Variants in PCDHA10 observed in about 807,000 individuals in gnomAD.
PCDHA10 encodes protocadherin alpha-10.
In PCDHA10, 45 loss-of-function variants were observed where a neutral mutation model predicts 61.2. The observed-to-expected ratio is 0.74, with a 90% CI of 0.58 to 0.94. The LOEUF is 0.94. Ranked by LOEUF, PCDHA10 falls within the 40% of genes least tolerant of loss-of-function variation. PCDHA10 has a pLI of 0.00. For missense variants in PCDHA10, 1,278 were observed against 1,236.2 expected, an observed-to-expected ratio of 1.03 and a Z score of -0.51; for synonymous variants, 602 against 548.8, an observed-to-expected ratio of 1.10 and a Z score of -1.35.
intron 1 of PCDHA10, among the ~76,000 whole-genome samples, chr5:140,960,355 A>G (rs1489344440): frequency 6.6e-6 from 1 of 152,222 alleles, no homozygotes; most frequent in Admixed American, 6.5e-5. Flanking sequence ...ATGTACTGAA[A>G]TAATATGCCA....
At chr5:140,992,078 G>A (rs1179366244) in intron 3 of PCDHA10, among the ~76,000 whole-genome samples, 1 of 151,596 alleles carries the variant, frequency 6.6e-6, no homozygotes, top group African/African-American at 2.4e-5. Context: ...TAGAGAATGA[G>A]CTAGAGTAGA....
Position 140,856,508 on chromosome 5 carries a change from G to A in PCDHA10, c.460G>A (p.Glu154Lys), listed in dbSNP as rs2044043194. 3.8e-6 allele frequency: 6 copies of A among 1,598,282 alleles called. No homozygotes were observed. Among genetic ancestry groups the A allele is most frequent in the Non-Finnish European group, 5.1e-6 (6 of 1,167,898 alleles). ...SRLLDSRFPL[E>K]GASDADVGEN... Reference sequence around the variant, plus strand: ...ACTGCTTGACTCTCGATTTCCACTAGAAGGCGCATCTGATGCGGATGTTGG... The same window carrying A: ...ACTGCTTGACTCTCGATTTCCACTAAAAGGCGCATCTGATGCGGATGTTGG... Residue 154 changes from glutamate to lysine, a missense_variant, in exon 1 of 4, where the codon GAA (glutamate) becomes AAA (lysine). Coordinates refer to ENST00000307360, the MANE Select transcript of PCDHA10 (RefSeq NM_018901.4).
chr5:140,932,088 T>G (rs2088018403), intron 1 of PCDHA10, among the ~76,000 whole-genome samples: 1 of 151,932 alleles, frequency 6.6e-6, no homozygotes, highest in Non-Finnish European at 1.5e-5. Context: ...CAGGAAAACA[T>G]GGTTTTTATC....
chr5:140,952,952 G>C (rs1477546132), intron 1 of PCDHA10, among the ~76,000 whole-genome samples: 1 of 151,924 alleles, frequency 6.6e-6, no homozygotes, highest in Non-Finnish European at 1.5e-5. Context: ...GAGAGAAGGG[G>C]GAAGTGATAC....
chr5:140,961,338 G>C (rs1554225370), intron 1 of PCDHA10, among the ~76,000 whole-genome samples: 1 of 152,170 alleles, frequency 6.6e-6, no homozygotes, highest in Non-Finnish European at 1.5e-5. Flanking sequence ...GAGACCAAGA[G>C]TGGATCCCTG....
intron 3 of PCDHA10, among the ~76,000 whole-genome samples, chr5:140,985,428 T>C (rs782337868): frequency 2.0e-5 from 3 of 152,192 alleles, no homozygotes; most frequent in Non-Finnish European, 4.4e-5. Context: ...GGAGGATTTA[T>C]TAGTTGCTGC....
At position 140,927,806 on chromosome 5, in the gene PCDHA10, T is replaced by C. The variant is rs1554205074; in HGVS notation, c.2389-51143T>C. 4 of 1,614,004 alleles carry C rather than the reference T, an allele frequency of 2.5e-6. No individual in the cohort carries two copies. In the African/African-American group the frequency reaches 5.3e-5, roughly 22 times the overall value. On this transcript the variant is annotated intron_variant, in intron 1 of 3. Transcript: ENST00000307360. ...GCTTCACTAGGTCCGCCTGAAACGC[T>C]CTTGGAGGCATACATTGAGGCGAGG...
intron 3 of PCDHA10, among the ~76,000 whole-genome samples, chr5:141,006,790 T>A (rs1318848521): frequency 6.6e-6 from 1 of 152,130 alleles, no homozygotes; most frequent in African/African-American, 2.4e-5. Context: ...AATAATTAGC[T>A]TTGAACTTTC....
intron 1 of PCDHA10, among the ~76,000 whole-genome samples, chr5:140,891,557 A>G (rs549418095): frequency 6.6e-6 from 1 of 151,608 alleles, no homozygotes; most frequent in Non-Finnish European, 1.5e-5. Flanking sequence ...TTATTTTAGT[A>G]CTCTAATTAA....
rs1466426021 is a variant in PCDHA10 at position 140,917,334 on chromosome 5, G to C, written c.2388+58898G>C. On this transcript the variant is annotated intron_variant, in intron 1 of 3. Transcript: ENST00000307360. ...TTGGTGTTCATGTGGCGGGGGAGGG[G>C]GGGGATGGTGTAGGCTTCTGTTCCA... Among the ~76,000 whole-genome samples the C allele has an allele frequency of 4.7e-5, 7 of 147,744 alleles. 2 individuals carry two copies. The highest frequency in any genetic ancestry group is 1.4e-4 in the Admixed American group (2 of 14,792).
intron 1 of PCDHA10, chr5:140,929,563 G>A: frequency 2.1e-6 from 1 of 470,088 alleles, no homozygotes; most frequent in Non-Finnish European, 3.6e-6. Context: ...ACCTATTTAA[G>A]AACAATAAAA....
chr5:140,870,286 A>C, intron 1 of PCDHA10: 1 of 1,614,124 alleles, frequency 6.2e-7, no homozygotes, highest in Non-Finnish European at 8.5e-7. Context: ...CGTTCCCTTC[A>C]AGCTGGTGTC....
chr5:141,008,941 G>T, intron 3 of PCDHA10, among the ~76,000 whole-genome samples: 1 of 152,140 alleles, frequency 6.6e-6, no homozygotes, highest in East Asian at 1.9e-4. Context: ...TCTTGTTTTG[G>T]ACAAAATAGA....
chr5:141,007,395 C>CAAAAAAAAAAAAAAAAAAAAAAAAAAA (rs35800918), intron 3 of PCDHA10, among the ~76,000 whole-genome samples: 1 of 94,866 alleles, frequency 1.1e-5, no homozygotes, highest in Non-Finnish European at 2.1e-5. Context: ...TACTAAAATA[C>CAAAAAAAAAAAAAAAAAAAAAAAAAAA]AAAAAAAAAA....
chr5:140,952,121 C>A (rs993598007), intron 1 of PCDHA10, among the ~76,000 whole-genome samples: 1 of 152,102 alleles, frequency 6.6e-6, no homozygotes, highest in Non-Finnish European at 1.5e-5. Context: ...GGGATGGGCT[C>A]CCAAGGCCTT....
intron 1 of PCDHA10, among the ~76,000 whole-genome samples, chr5:140,916,184 A>C (rs1554197322): frequency 6.6e-6 from 1 of 152,092 alleles, no homozygotes. Context: ...CTCTTCAAGG[A>C]AGTGGGCACC....
intron 1 of PCDHA10, chr5:140,875,919 C>G: frequency 2.5e-6 from 4 of 1,614,168 alleles, no homozygotes; most frequent in Non-Finnish European, 3.4e-6. Flanking sequence ...CGCCTCTGGA[C>G]TCTCATTTTC....
At chr5:141,008,159 G>A (rs1352277469) in intron 3 of PCDHA10, among the ~76,000 whole-genome samples, 1 of 152,138 alleles carries the variant, frequency 6.6e-6, no homozygotes, top group East Asian at 1.9e-4. Flanking sequence ...TTGATAAGAT[G>A]AGGACTAAAA....
At chr5:140,903,427 A>G (rs1030133179) in intron 1 of PCDHA10, among the ~76,000 whole-genome samples, 9 of 152,208 alleles carry the variant, frequency 5.9e-5, no homozygotes, top group African/African-American at 1.9e-4. Context: ...TCAGCACAAT[A>G]TGTATCAGTG....
Sources: allele counts gnomAD v4.1 joint callset (sites outside exome capture counted in the v4.1 genomes callset), GRCh38; gene constraint gnomAD v4.1.1; transcripts MANE v1.5; gene names NCBI Gene and HGNC (gene_info 2026-07-23, HGNC 2026-07-21).